The following ICA1L variants were observed in gnomAD, a reference collection of about 807,000 sequenced individuals.
ICA1L encodes islet cell autoantigen 1 like.
In ICA1L, 50 loss-of-function variants were observed where a neutral mutation model predicts 61.3. That is an observed-to-expected ratio of 0.82 (90% confidence interval 0.65 to 1.03). ICA1L has a LOEUF of 1.03. Among genes scored for constraint, ICA1L ranks in the 50% least tolerant of loss-of-function variants. ICA1L has a pLI of 0.00. For synonymous variants in ICA1L, 161 were observed against 191.3 expected (o/e 0.84, Z 1.31); for missense variants, 508 against 556.7 (o/e 0.91, Z 0.88).
intron 10 of ICA1L, among the ~76,000 whole-genome samples, chr2:202,794,108 T>C (rs1171307988): frequency 2.6e-5 from 4 of 151,916 alleles, no homozygotes; most frequent in African/African-American, 9.7e-5. Context: ...CCTATTATTA[T>C]AGTTCATCAT....
chr2:202,812,143 T>C (rs1337917738), intron 8 of ICA1L, among the ~76,000 whole-genome samples: 5 of 152,184 alleles, frequency 3.3e-5, no homozygotes, highest in African/African-American at 9.7e-5. Context: ...ATCAAGGGAA[T>C]GAAGAACTCC....
At chr2:202,858,134 G>A (rs1694815469) in intron 1 of ICA1L, among the ~76,000 whole-genome samples, 1 of 152,124 alleles carries the variant, frequency 6.6e-6, no homozygotes, top group African/African-American at 2.4e-5. Context: ...ATACCCAAAG[G>A]ATTATAAATC....
In ICA1L at chr2:202,821,450, G is replaced by A. The variant is rs748460305; in HGVS notation, c.267C>T (p.Leu89=). The stretch of plus-strand genomic sequence containing the variant: ...CCCGTTCTGCTTGAAATTTTAAAAA[G>A]AGCCCTAGCTCATTTTCTTCCTCTG... ...VISEEENELG[L]FLKFQAERDA... Residue 89 remains leucine, a synonymous_variant, in exon 4 of 13, where the codon CTC becomes CTT. Transcript: ENST00000358299. 6.2e-7 allele frequency: 1 copy of A among 1,612,168 alleles called. No homozygotes were observed. Among genetic ancestry groups the A allele is most frequent in the Non-Finnish European group, 8.5e-7 (1 of 1,179,140 alleles).
chr2:202,811,524 TG>T (rs1693377926), intron 9 of ICA1L, among the ~76,000 whole-genome samples: 1 of 150,564 alleles, frequency 6.6e-6, no homozygotes, highest in South Asian at 2.1e-4. Context: ...TAGCTGGGCA[TG>T]GTGGCAGGCA....
At chr2:202,818,269 C>T (rs1309621716) in intron 5 of ICA1L, among the ~76,000 whole-genome samples, 1 of 152,094 alleles carries the variant, frequency 6.6e-6, no homozygotes, top group East Asian at 1.9e-4. Context: ...TGAACTGGGA[C>T]AGAAAGATGA....
At chr2:202,828,372 T>C (rs1484980036) in intron 2 of ICA1L, among the ~76,000 whole-genome samples, 1 of 152,114 alleles carries the variant, frequency 6.6e-6, no homozygotes, top group Non-Finnish European at 1.5e-5. Flanking sequence ...ATGGCAATTA[T>C]TTAAAATAAA....
intron 6 of ICA1L, 63 bp downstream of exon 6, chr2:202,817,355 T>G: frequency 6.9e-7 from 1 of 1,448,910 alleles, no homozygotes; most frequent in Non-Finnish European, 9.2e-7. Flanking sequence ...TTAGACAACT[T>G]TTAAAAAGAA....
intron 10 of ICA1L, among the ~76,000 whole-genome samples, chr2:202,792,628 C>T (rs1692788195): frequency 6.6e-6 from 1 of 151,916 alleles, no homozygotes; most frequent in Non-Finnish European, 1.5e-5. Context: ...CACAGTGAAA[C>T]CCCATCTCTA....
Position 202,834,002 on chromosome 2 carries a change from A to T in ICA1L, c.-7-4986T>A, listed in dbSNP as rs1243256265. ...TTCTATTGTACAACAAAGGGACTAT[A>T]GTTAATAACAATGTATTATATTCTT... On this transcript the variant is annotated intron_variant, in intron 1 of 12. Transcript: ENST00000358299. Among the ~76,000 whole-genome samples the T allele has an allele frequency of 5.3e-5, 8 of 152,326 alleles. No individual in the cohort carries two copies. In the East Asian group the frequency reaches 1.5e-3, roughly 29 times the overall value.
chr2:202,821,700 G>A, intron 3 of ICA1L: 1 of 290,104 alleles, frequency 3.4e-6, no homozygotes, highest in Non-Finnish European at 6.4e-6. Context: ...CACTCCAGAT[G>A]GTTTCGACAC....
chr2:202,785,282 G>T (rs1222211439), intron 12 of ICA1L, among the ~76,000 whole-genome samples: 2 of 151,278 alleles, frequency 1.3e-5, no homozygotes, highest in Non-Finnish European at 2.9e-5. Context: ...GTGCTTGAAT[G>T]CATTCTTTGT....
chr2:202,862,308 C>A (rs1258578490), intron 1 of ICA1L, among the ~76,000 whole-genome samples: 3 of 99,258 alleles, frequency 3.0e-5, no homozygotes, highest in African/African-American at 3.9e-5. Flanking sequence ...AAAAAAAAGG[C>A]CAGAAGTGCT....
intron 1 of ICA1L, chr2:202,844,386 T>TA (rs955416328): frequency 1.3e-5 from 2 of 151,482 alleles, no homozygotes; most frequent in Admixed American, 1.3e-4. Context: ...AAAAAATCTA[T>TA]AAAAAAAGAA....
At position 202,828,962 on chromosome 2, in the gene ICA1L, G is replaced by C; in HGVS notation, c.48C>G (p.Val16=). 6.2e-7 allele frequency: 1 copy of C among 1,607,980 alleles called. No individual in the cohort carries two copies. The highest frequency in any genetic ancestry group is 1.3e-5 in the African/African-American group (1 of 74,672). ...TCCAGTATTTCTTTTGCATTCTTCTGACTACTGACTGATTATCTTCTGGTC... is the reference window on the plus strand; with the variant it reads ...TCCAGTATTTCTTTTGCATTCTTCTCACTACTGACTGATTATCTTCTGGTC... The part of the protein sequence containing the change: ...QPRPEDNQSV[V]RRMQKKYWKT... The change falls in exon 2 of 13, where the codon GTC becomes GTG. Residue 16 remains valine, a synonymous_variant. Coordinates refer to ENST00000358299, the MANE Select transcript of ICA1L (RefSeq NM_001288622.3).
At position 202,774,410 on chromosome 2, in the gene ICA1L, G is replaced by A. The variant is rs956984908; in HGVS notation, c.*5123C>T. The A allele has an allele frequency of 2.0e-5, 20 of 990,036 alleles. No individual in the cohort carries two copies. The African/African-American group carries it at 3.3e-4, about 16-fold the overall frequency. The allele number at this position is 990,036 out of a possible 1,614,324, so 61.3% of individuals were successfully genotyped here. ...GCCTCACTGCGCCTCCAACAGCCAG[G>A]GTCGAGCCCCTGGCTCCCCGTTCGT... is the stretch of plus-strand genomic sequence containing the variant. On this transcript the variant is annotated 3_prime_UTR_variant, in exon 13 of 13. Coordinates refer to ENST00000358299, the MANE Select transcript of ICA1L (RefSeq NM_001288622.3).
chr2:202,787,312 T>C (rs139598723), intron 11 of ICA1L, among the ~76,000 whole-genome samples: 21 of 152,320 alleles, frequency 1.4e-4, no homozygotes, highest in Admixed American at 6.5e-4. Context: ...GATAATTGCA[T>C]TGCCAGAAAC....
chr2:202,776,930 A>G lies in ICA1L; in HGVS notation c.*2603T>C, dbSNP rs1692240649. On this transcript the variant is annotated 3_prime_UTR_variant, in exon 13 of 13. Transcript: ENST00000358299. ...CTGCTTGTTAAAGTATCTGTATTCG[A>G]TAACAGGGACTTCCTTGCACACATG... 2 of 152,042 alleles carry G rather than the reference A, an allele frequency of 1.3e-5. No individual in the cohort carries two copies. The highest frequency in any genetic ancestry group is 2.4e-5 in the African/African-American group (1 of 41,380). 9.4% of individuals were successfully genotyped at this position (152,042 alleles called of 1,614,324 possible).
intron 1 of ICA1L, among the ~76,000 whole-genome samples, chr2:202,865,968 T>C (rs1229692199): frequency 2.0e-5 from 3 of 152,118 alleles, no homozygotes; most frequent in African/African-American, 7.2e-5. Flanking sequence ...TTTAATAACA[T>C]CGAAAGTCAT....
intron 1 of ICA1L, among the ~76,000 whole-genome samples, chr2:202,867,393 T>C (rs1687547621): frequency 1.3e-5 from 2 of 152,218 alleles, no homozygotes; most frequent in African/African-American, 4.8e-5. Context: ...TAGGAGCTAT[T>C]GCTCCCAGGC....
Sources: allele counts gnomAD v4.1 joint callset (sites outside exome capture counted in the v4.1 genomes callset), GRCh38; gene constraint gnomAD v4.1.1; transcripts MANE v1.5; gene names NCBI Gene and HGNC (gene_info 2026-07-23, HGNC 2026-07-21).